Variants in GALNT12 observed in about 807,000 individuals in gnomAD.
GALNT12 encodes polypeptide N-acetylgalactosaminyltransferase 12.
A neutral mutation model predicts 55.5 loss-of-function variants in GALNT12; 45 were observed. That is an observed-to-expected ratio of 0.81 (90% CI 0.64 to 1.04). The LOEUF is 1.04. Among genes scored for constraint, GALNT12 ranks in the 50% least tolerant of loss-of-function variants. GALNT12 has a pLI of 0.00. For missense variants in GALNT12, 709 were observed against 754.8 expected (o/e 0.94, Z 0.71); for synonymous variants, 304 against 312.2 (o/e 0.97, Z 0.28).
intron 5 of GALNT12, among the ~76,000 whole-genome samples, chr9:98,835,739 CTTT>C (rs532032529): frequency 2.1e-5 from 3 of 144,494 alleles, no homozygotes; most frequent in Non-Finnish European, 1.5e-5. Flanking sequence ...GTAAGAATTT[CTTT>C]TTTTTTTTTT....
At chr9:98,837,225 G>C in intron 6 of GALNT12, 77 bp downstream of exon 6, 2 of 1,364,212 alleles carry the variant, frequency 1.5e-6, no homozygotes, top group South Asian at 2.3e-5. Flanking sequence ...CCCCAACATA[G>C]TCGATCTGGT....
chr9:98,810,324 C>T (rs550373468), intron 1 of GALNT12, among the ~76,000 whole-genome samples: 3 of 152,230 alleles, frequency 2.0e-5, no homozygotes, highest in South Asian at 4.2e-4. Context: ...AGCCACACCC[C>T]CAGGTCACAT....
chr9:98,825,503 C>G (rs1835837905), intron 2 of GALNT12, among the ~76,000 whole-genome samples: 1 of 152,200 alleles, frequency 6.6e-6, no homozygotes, highest in African/African-American at 2.4e-5. Context: ...CAGGCCCTCT[C>G]AGATGCAGGG....
chr9:98,843,272 C>CAGT (rs1836336384), intron 7 of GALNT12, among the ~76,000 whole-genome samples: 1 of 152,072 alleles, frequency 6.6e-6, no homozygotes, highest in Non-Finnish European at 1.5e-5. Flanking sequence ...ATAATTAATA[C>CAGT]AGTACTACAG....
chr9:98,848,185 G>T (rs1236250587), intron 9 of GALNT12, among the ~76,000 whole-genome samples: 3 of 152,098 alleles, frequency 2.0e-5, no homozygotes, highest in Non-Finnish European at 4.4e-5. Context: ...CATGAGTTTG[G>T]ATTTTTTTGA....
chr9:98,811,873 G>A (rs573865199), intron 1 of GALNT12, among the ~76,000 whole-genome samples: 2 of 152,158 alleles, frequency 1.3e-5, no homozygotes, highest in South Asian at 4.2e-4. Flanking sequence ...AGTAGACACG[G>A]GGTTTCACTA....
At chr9:98,837,509 A>G (rs937780908) in intron 6 of GALNT12, among the ~76,000 whole-genome samples, 2 of 152,192 alleles carry the variant, frequency 1.3e-5, no homozygotes, top group African/African-American at 4.8e-5. Flanking sequence ...TGTTTAACAT[A>G]TATCGTTGCA....
intron 1 of GALNT12, among the ~76,000 whole-genome samples, chr9:98,808,535 AAGCGAAAGATGGCTGTAAGGCCCCCTC>A (rs1473915619): frequency 3.3e-5 from 5 of 152,344 alleles, no homozygotes; most frequent in Admixed American, 2.0e-4. Context: ...CCCACAGGTG[AAGCGAAAGATGGCTGTAAGGCCCCCTC>A]AGCGCTAGAA....
chr9:98,828,078 G>GA (rs1486664754), intron 3 of GALNT12, among the ~76,000 whole-genome samples: 4 of 152,208 alleles, frequency 2.6e-5, no homozygotes, highest in African/African-American at 9.7e-5. Context: ...GGAAGGAAGG[G>GA]ATCTTTGCTT....
In GALNT12 at chr9:98,839,983, T is replaced by A. The variant is rs1418995159; in HGVS notation, c.1213-19T>A. The A allele has an allele frequency of 2.5e-6, 4 of 1,613,870 alleles. No homozygotes were observed. The African/African-American group carries it at 5.3e-5, about 22-fold the overall frequency. On this transcript the variant is annotated intron_variant, in intron 6 of 9. Transcript: ENST00000375011. ...AGCACTAGGACCCATGGGGTCTCAC[T>A]GTTTTGTTGTTTTCTCAGGAACCTT...
rs748778853 is a variant in GALNT12 at position 98,846,064 on chromosome 9, C to A, written c.1546C>A (p.Leu516Ile). ...TGCTGTGGAAGCAGGAATGGATACC[C>A]TTATCATGCATCTCTGCGAAGAAAC... ...CIAVEAGMDTLIMHLCEETAP... is the reference protein window; with the variant it reads ...CIAVEAGMDTIIMHLCEETAP... Residue 516 changes from leucine (L) to isoleucine (I), a missense_variant, in exon 9 of 10, where the codon CTT becomes ATT. Leu to Ile is a conservative substitution (Grantham distance 5). Coordinates refer to ENST00000375011, the MANE Select transcript of GALNT12 (RefSeq NM_024642.5). 3.7e-6 allele frequency: 6 copies of A among 1,614,072 alleles called. No homozygotes were observed. Among genetic ancestry groups the A allele is most frequent in the African/African-American group, 2.7e-5 (2 of 74,920 alleles).
intron 4 of GALNT12, 83 bp downstream of exon 4, chr9:98,832,040 G>C (rs1033777351): frequency 2.1e-4 from 252 of 1,213,516 alleles, no homozygotes; most frequent in Non-Finnish European, 2.8e-4. Context: ...GCCCTCGGGA[G>C]GAATGGTTAG....
At chr9:98,835,643 A>G (rs1564258143) in intron 5 of GALNT12, among the ~76,000 whole-genome samples, 1 of 152,306 alleles carries the variant, frequency 6.6e-6, no homozygotes, top group South Asian at 2.1e-4. Context: ...GTTCCTCCTG[A>G]TCCTGTCTTC....
intron 1 of GALNT12, among the ~76,000 whole-genome samples, chr9:98,810,849 G>T (rs1401266079): frequency 3.9e-5 from 6 of 152,136 alleles, no homozygotes; most frequent in Non-Finnish European, 8.8e-5. Flanking sequence ...TGATGACTAG[G>T]AATCCTTCCT....
At chr9:98,821,732 A>G (rs1835747724) in intron 1 of GALNT12, among the ~76,000 whole-genome samples, 1 of 152,066 alleles carries the variant, frequency 6.6e-6, no homozygotes, top group Non-Finnish European at 1.5e-5. Flanking sequence ...TTCATCATTC[A>G]GGTCTCATCC....
intron 1 of GALNT12, 39 bp downstream of exon 1, chr9:98,808,108 G>T: frequency 1.3e-6 from 2 of 1,505,614 alleles, no homozygotes; most frequent in Non-Finnish European, 1.8e-6. Context: ...CGCCCTCAGA[G>T]CCCCGGGCCT....
intron 9 of GALNT12, among the ~76,000 whole-genome samples, chr9:98,848,025 G>A (rs1396775678): frequency 6.6e-6 from 1 of 152,066 alleles, no homozygotes; most frequent in Non-Finnish European, 1.5e-5. Context: ...TGTTGGCCAG[G>A]CTGGTCTTGA....
intron 4 of GALNT12, among the ~76,000 whole-genome samples, chr9:98,834,432 T>G (rs1836079848): frequency 6.6e-6 from 1 of 152,180 alleles, no homozygotes. Context: ...TTTCCCTATT[T>G]CTGAATTCAT....
Position 98,831,769 on chromosome 9 carries a change from C to T in GALNT12, c.732-3C>T, listed in dbSNP as rs2118413048. 6.2e-7 allele frequency: 1 copy of T among 1,614,170 alleles called. No individual in the cohort carries two copies. The highest frequency in any genetic ancestry group is 1.1e-5 in the South Asian group (1 of 91,076). ...GACGGATGGATGTCTTGGGTGCTTT[C>T]AGGATCCATGAAGAGGAGTCGGCAG... On this transcript the variant is annotated splice_polypyrimidine_tract_variant and splice_region_variant and intron_variant, in intron 3 of 9. Coordinates refer to ENST00000375011, the MANE Select transcript of GALNT12 (RefSeq NM_024642.5).
Sources: gnomAD v4.1 joint callset for allele counts (sites outside exome capture counted in the v4.1 genomes callset) on GRCh38, gnomAD v4.1.1 for gene constraint, MANE v1.5 for transcripts, NCBI Gene and HGNC (gene_info 2026-07-23, HGNC 2026-07-21) for gene names.